Variants in EEPD1 observed in about 807,000 individuals in gnomAD.
EEPD1 encodes the protein endonuclease/exonuclease/phosphatase family domain-containing protein 1.
In EEPD1, 17 loss-of-function variants were observed where a neutral mutation model predicts 46.3. That is an observed-to-expected ratio of 0.37 (90% CI 0.25 to 0.55). The LOEUF (loss-of-function observed/expected upper bound fraction) is 0.55. Ranked by LOEUF, EEPD1 falls within the 20% of genes least tolerant of loss-of-function variation. The pLI is 0.83. For missense variants in EEPD1, 673 were observed against 745.6 expected (o/e 0.90, Z 1.13); for synonymous variants, 313 against 315.6 (o/e 0.99, Z 0.09).
At chr7:36,179,690 T>G (rs1460068699) in intron 2 of EEPD1, among the ~76,000 whole-genome samples, 1 of 127,520 alleles carries the variant, frequency 7.8e-6, no homozygotes, top group East Asian at 2.2e-4. Context: ...TAAAACCCTG[T>G]CTCTACTAAA....
At chr7:36,213,806 AC>A (rs552514751) in intron 2 of EEPD1, among the ~76,000 whole-genome samples, 1 of 151,698 alleles carries the variant, frequency 6.6e-6, no homozygotes, top group Non-Finnish European at 1.5e-5. Context: ...GTGGGCGTGT[AC>A]CCCCCCGGAT....
intron 6 of EEPD1, among the ~76,000 whole-genome samples, chr7:36,288,416 T>C (rs1562713732): frequency 6.6e-6 from 1 of 152,126 alleles, no homozygotes; most frequent in Admixed American, 6.5e-5. Flanking sequence ...AGGGACTTCA[T>C]GTACACGAGT....
intron 3 of EEPD1, among the ~76,000 whole-genome samples, chr7:36,246,916 AG>A (rs1786649678): frequency 6.6e-6 from 1 of 152,118 alleles, no homozygotes; most frequent in Admixed American, 6.5e-5. Context: ...GCCTGAGGTC[AG>A]GAGTTCGAGA....
At chr7:36,167,873 C>T (rs181256014) in intron 2 of EEPD1, among the ~76,000 whole-genome samples, 1 of 152,240 alleles carries the variant, frequency 6.6e-6, no homozygotes, top group Admixed American at 6.5e-5. Context: ...CGCCACCACG[C>T]CTGGCTGATT....
intron 2 of EEPD1, among the ~76,000 whole-genome samples, chr7:36,203,387 G>A (rs1020587336): frequency 1.3e-5 from 2 of 152,160 alleles, no homozygotes; most frequent in African/African-American, 4.8e-5. Context: ...CTTTCTAACA[G>A]ATAAGCAAGG....
intron 2 of EEPD1, among the ~76,000 whole-genome samples, chr7:36,236,343 G>A (rs970356904): frequency 3.3e-5 from 5 of 152,348 alleles, no homozygotes; most frequent in Admixed American, 2.6e-4. Context: ...CCAGGTGAGC[G>A]CGGGCTTGGC....
chr7:36,264,246 A>G (rs759906781), intron 3 of EEPD1, among the ~76,000 whole-genome samples: 5 of 152,180 alleles, frequency 3.3e-5, no homozygotes, highest in Non-Finnish European at 7.3e-5. Flanking sequence ...CACAAGCTTG[A>G]TCCTATTACT....
chr7:36,195,762 C>CA (rs560075312), intron 2 of EEPD1, among the ~76,000 whole-genome samples: 73 of 151,574 alleles, frequency 4.8e-4, no homozygotes, highest in African/African-American at 1.5e-3. Flanking sequence ...GTTCTTATCA[C>CA]AAAAAAAATG....
chr7:36,158,697 G>T (rs1181619928), intron 2 of EEPD1, among the ~76,000 whole-genome samples: 1 of 152,040 alleles, frequency 6.6e-6, no homozygotes, highest in Non-Finnish European at 1.5e-5. Context: ...TTCCTTGTTC[G>T]GTATTTATGG....
At chr7:36,294,138 G>A (rs1403804251) in intron 6 of EEPD1, among the ~76,000 whole-genome samples, 2 of 152,030 alleles carry the variant, frequency 1.3e-5, no homozygotes, top group African/African-American at 4.8e-5. Context: ...GGGACACAAG[G>A]AACAAGAGAA....
intron 3 of EEPD1, among the ~76,000 whole-genome samples, chr7:36,257,390 C>G (rs1374249948): frequency 6.6e-6 from 1 of 152,034 alleles, no homozygotes; most frequent in African/African-American, 2.4e-5. Flanking sequence ...TGGGGAAGTT[C>G]TCCTGGATAA....
intron 6 of EEPD1, among the ~76,000 whole-genome samples, chr7:36,294,094 A>G (rs993507653): frequency 6.6e-6 from 1 of 152,224 alleles, no homozygotes; most frequent in African/African-American, 2.4e-5. Flanking sequence ...ATGTAAGTAT[A>G]CACGTCTGCT....
chr7:36,153,889 G>T (rs896797502), intron 1 of EEPD1, among the ~76,000 whole-genome samples: 2 of 152,190 alleles, frequency 1.3e-5, no homozygotes, highest in East Asian at 1.9e-4. Flanking sequence ...GCATGAGGCT[G>T]ATGGGGATAG....
chr7:36,208,728 A>C (rs542604073), intron 2 of EEPD1, among the ~76,000 whole-genome samples: 1 of 152,256 alleles, frequency 6.6e-6, no homozygotes, highest in Non-Finnish European at 1.5e-5. Flanking sequence ...CAGGAACTGT[A>C]CTAAGTACTT....
chr7:36,198,431 A>G (rs964497510), intron 2 of EEPD1, among the ~76,000 whole-genome samples: 10 of 150,882 alleles, frequency 6.6e-5, no homozygotes, highest in Admixed American at 3.9e-4. Flanking sequence ...AAAAAAAAAA[A>G]AAAGAAATCT....
At chr7:36,276,267 T>A (rs1226339296) in intron 3 of EEPD1, among the ~76,000 whole-genome samples, 3 of 152,180 alleles carry the variant, frequency 2.0e-5, no homozygotes, top group Non-Finnish European at 4.4e-5. Context: ...AAGATGGCAA[T>A]GAAAGTGCCA....
intron 2 of EEPD1, among the ~76,000 whole-genome samples, chr7:36,222,268 G>T (rs557022856): frequency 1.3e-5 from 2 of 152,308 alleles, no homozygotes; most frequent in South Asian, 4.1e-4. Context: ...CTAAGGAAAA[G>T]AAAATGGTAT....
intron 3 of EEPD1, among the ~76,000 whole-genome samples, chr7:36,265,142 G>GA (rs1306699224): frequency 6.6e-6 from 1 of 152,186 alleles, no homozygotes; most frequent in Non-Finnish European, 1.5e-5. Flanking sequence ...CATCGCATAA[G>GA]AAAAATGGCA....
chr7:36,199,204 A>G (rs1472942478), intron 2 of EEPD1, among the ~76,000 whole-genome samples: 2 of 152,172 alleles, frequency 1.3e-5, no homozygotes, highest in Non-Finnish European at 2.9e-5. Flanking sequence ...AGAGTGACTC[A>G]GACCCATCTA....
Sources: allele counts gnomAD v4.1 joint callset (sites outside exome capture counted in the v4.1 genomes callset), GRCh38; gene constraint gnomAD v4.1.1; transcripts MANE v1.5; gene names NCBI Gene and HGNC (gene_info 2026-07-23, HGNC 2026-07-21).